HIVEP3: variants seen among roughly 807,000 people sequenced by gnomAD.
HIVEP3 encodes transcription factor HIVEP3.
Under a neutral mutation model 152.8 loss-of-function variants are expected in HIVEP3, and 49 were observed. That is an observed-to-expected ratio of 0.32 (90% CI 0.26 to 0.41). The LOEUF is 0.41. Among genes scored for constraint, HIVEP3 ranks in the 10% least tolerant of loss-of-function variants. The pLI, the probability that HIVEP3 is intolerant of heterozygous loss-of-function variation, is 1.00. For synonymous variants in HIVEP3, 1,269 were observed against 1,289.0 expected (o/e 0.98, Z 0.33); for missense variants, 2,790 against 3,103.3 (o/e 0.90, Z 2.40).
intron 1 of HIVEP3, among the ~76,000 whole-genome samples, chr1:41,939,582 G>A (rs1271176684): frequency 6.6e-6 from 1 of 152,174 alleles, no homozygotes; most frequent in East Asian, 1.9e-4. Flanking sequence ...AGTCAACAGA[G>A]CTCCACGATT....
intron 5 of HIVEP3, among the ~76,000 whole-genome samples, chr1:41,525,677 A>G (rs1642879725): frequency 6.6e-6 from 1 of 152,204 alleles, no homozygotes; most frequent in African/African-American, 2.4e-5. Flanking sequence ...TTGGGGTTCT[A>G]TCTGGAAGTG....
At chr1:41,590,677 G>A (rs906689516) in intron 3 of HIVEP3, among the ~76,000 whole-genome samples, 2 of 152,240 alleles carry the variant, frequency 1.3e-5, no homozygotes, top group Non-Finnish European at 2.9e-5. Context: ...GGGGATTGGA[G>A]TGTGATGTTG....
chr1:41,703,383 A>G (rs1646390335), intron 1 of HIVEP3, among the ~76,000 whole-genome samples: 1 of 152,254 alleles, frequency 6.6e-6, no homozygotes, highest in Admixed American at 6.5e-5. Context: ...TGAGAGCCCT[A>G]ACAGTGTGGG....
At chr1:41,865,108 T>G (rs1643944822) in intron 1 of HIVEP3, among the ~76,000 whole-genome samples, 1 of 152,232 alleles carries the variant, frequency 6.6e-6, no homozygotes, top group Non-Finnish European at 1.5e-5. Context: ...CTTCTCAATG[T>G]AGACACTTGG....
Position 41,581,133 on chromosome 1 carries a change from G to A in HIVEP3, c.3665C>T (p.Ser1222Phe), listed in dbSNP as rs1225242220. 1 of 1,551,196 alleles carries A rather than the reference G, an allele frequency of 6.4e-7. No individual in the cohort carries two copies. The highest frequency in any genetic ancestry group is 8.7e-7 in the Non-Finnish European group (1 of 1,148,960). Residue 1222 changes from serine to phenylalanine, a missense_variant, in exon 4 of 9, where the codon TCC becomes TTC. This residue lies in a region of HIVEP3 where 1,078 missense variants were observed against 1,165.3 expected (regional missense o/e 0.93). Coordinates refer to ENST00000372583, the MANE Select transcript of HIVEP3 (RefSeq NM_024503.5). This position sits in a 1 kb window ranked among gnomAD's most constrained non-coding sequence, Gnocchi z 4.5. ...PANIPFRQPPSFLPMPYPTSS... is the reference protein window; with the variant it reads ...PANIPFRQPPFFLPMPYPTSS... ...GGTCGGGTATGGCATGGGGAGGAAG[G>A]AAGGGGGCTGCCTGAAGGGGATGTT...
chr1:41,777,099 T>G (rs1648751251), intron 1 of HIVEP3, among the ~76,000 whole-genome samples: 1 of 152,200 alleles, frequency 6.6e-6, no homozygotes, highest in Admixed American at 6.5e-5. Flanking sequence ...AGGTCCTGGC[T>G]TCAGCTGGGC....
At chr1:41,606,086 C>T (rs1376047533) in intron 3 of HIVEP3, among the ~76,000 whole-genome samples, 2 of 149,556 alleles carry the variant, frequency 1.3e-5, no homozygotes, top group South Asian at 2.1e-4. Flanking sequence ...AATGCCAAAC[C>T]GTCCTCACTT....
intron 2 of HIVEP3, among the ~76,000 whole-genome samples, chr1:41,674,080 AG>A (rs35025112): frequency 1.3e-5 from 2 of 152,240 alleles, no homozygotes; most frequent in African/African-American, 4.8e-5. Flanking sequence ...ACCTCCCCAG[AG>A]GGGCTTGTCA....
At position 41,918,227 on chromosome 1, in the gene HIVEP3, C is replaced by G. The variant is rs1228847967; in HGVS notation, c.-801+186G>C. On this transcript the variant is annotated intron_variant, in intron 1 of 8. Coordinates refer to ENST00000372583, the MANE Select transcript of HIVEP3 (RefSeq NM_024503.5). This position sits in a 1 kb window ranked among gnomAD's most constrained non-coding sequence, Gnocchi z 4.3. ...AGCCCACCGGGGGCACTGGCCGCCA[C>G]GCGCAGCCCACCCGGCCGGCCCCTG... Among the ~76,000 whole-genome samples, 1 of 152,194 alleles carries G rather than the reference C, an allele frequency of 6.6e-6. No individual in the cohort carries two copies. Among genetic ancestry groups the G allele is most frequent in the Non-Finnish European group, 1.5e-5 (1 of 68,026 alleles).
intron 3 of HIVEP3, among the ~76,000 whole-genome samples, chr1:41,612,352 C>T (rs78876165): frequency 0.011 from 1,681 of 152,330 alleles, 12 homozygotes; most frequent in Middle Eastern, 0.024. Flanking sequence ...GCAGTGACTA[C>T]AGCTCACCAA....
intron 3 of HIVEP3, among the ~76,000 whole-genome samples, chr1:41,619,636 C>T (rs980690134): frequency 2.6e-5 from 4 of 152,084 alleles, no homozygotes; most frequent in African/African-American, 9.7e-5. Context: ...TGGGGTGTCA[C>T]CTGACTGGTA....
chr1:42,007,120 A>G (rs1447227588), intron 1 of HIVEP3, among the ~76,000 whole-genome samples: 2 of 152,244 alleles, frequency 1.3e-5, no homozygotes, highest in Non-Finnish European at 2.9e-5. Context: ...GAGTCAGTCA[A>G]GTATTCAACT....
At chr1:41,989,657 G>C (rs1371767979) in intron 1 of HIVEP3, among the ~76,000 whole-genome samples, 1 of 152,056 alleles carries the variant, frequency 6.6e-6, no homozygotes, top group Non-Finnish European at 1.5e-5. Context: ...AACAAAAAAA[G>C]CCATAGTTTA....
intron 4 of HIVEP3, among the ~76,000 whole-genome samples, chr1:41,577,573 A>T (rs1197425165): frequency 1.3e-5 from 2 of 152,208 alleles, no homozygotes; most frequent in Non-Finnish European, 2.9e-5. Flanking sequence ...CAGGGTTTAT[A>T]CGTGGAAGAA....
At chr1:41,982,708 T>A (rs920315489) in intron 1 of HIVEP3, among the ~76,000 whole-genome samples, 2 of 152,170 alleles carry the variant, frequency 1.3e-5, no homozygotes, top group African/African-American at 4.8e-5. Flanking sequence ...GCCGACAGAA[T>A]TGGTGATAGA....
chr1:41,641,928 T>C (rs1170810793), intron 2 of HIVEP3, among the ~76,000 whole-genome samples: 1 of 152,200 alleles, frequency 6.6e-6, no homozygotes, highest in Non-Finnish European at 1.5e-5. Context: ...TGACATGACA[T>C]CTCCGGGCCT....
chr1:41,927,913 T>C (rs1041915734), intron 1 of HIVEP3, among the ~76,000 whole-genome samples: 3 of 151,786 alleles, frequency 2.0e-5, no homozygotes, highest in East Asian at 1.9e-4. Context: ...TACAAAAAAT[T>C]AGCCAGGCGT....
chr1:41,945,285 A>G (rs888411295), intron 1 of HIVEP3, among the ~76,000 whole-genome samples: 5 of 152,200 alleles, frequency 3.3e-5, no homozygotes, highest in Non-Finnish European at 7.3e-5. Context: ...GAGTGCCAAT[A>G]GTCTCCAATT....
intron 1 of HIVEP3, among the ~76,000 whole-genome samples, chr1:41,987,026 G>C (rs1645327809): frequency 6.6e-6 from 1 of 152,122 alleles, no homozygotes; most frequent in Non-Finnish European, 1.5e-5. Flanking sequence ...AAAGGATTCT[G>C]AGTATCTGAG....
Sources: gnomAD v4.1 joint callset for allele counts (sites outside exome capture counted in the v4.1 genomes callset) on GRCh38, gnomAD v4.1.1 for gene constraint, gnomAD v4.1.1 regional missense constraint, Gnocchi (gnomAD v3.1) non-coding constraint, MANE v1.5 for transcripts, NCBI Gene and HGNC (gene_info 2026-07-23, HGNC 2026-07-21) for gene names.